Variants in DDX54 observed in about 807,000 individuals in gnomAD.
The protein encoded by DDX54 is ATP-dependent RNA helicase DDX54.
DDX54 carries 67 observed loss-of-function variants against 105.5 expected under a neutral mutation model. The ratio of observed to expected loss-of-function variants is 0.64; its 90% CI spans 0.52 to 0.78. The LOEUF (loss-of-function observed/expected upper bound fraction) is 0.78. Ranked by LOEUF, DDX54 falls within the 30% of genes least tolerant of loss-of-function variation. The probability of loss-of-function intolerance (pLI) is 0.00; values close to 1 mark genes in which losing one functional copy is unlikely to be tolerated. For synonymous variants in DDX54, 514 were observed against 509.9 expected, an observed-to-expected ratio of 1.01 and a Z score of -0.11; for missense variants, 1,206 against 1,230.5, an observed-to-expected ratio of 0.98 and a Z score of 0.30.
In DDX54 at chr12:113,161,171, C is replaced by A. The variant is rs1409073856; in HGVS notation, c.2413+99G>T. 3.3e-6 allele frequency: 3 copies of A among 903,952 alleles called. No individual in the cohort carries two copies. In the African/African-American group the frequency reaches 5.1e-5, roughly 15 times the overall value. 56.0% of individuals were successfully genotyped at this position (903,952 alleles called of 1,614,324 possible). The stretch of plus-strand genomic sequence containing the variant: ...TACCCCAACACACCCAGCTCTGGGG[C>A]TCTGCAGTAGCCCCTGCACCTGTGC... On this transcript the variant is annotated intron_variant, in intron 19 of 19. Coordinates refer to ENST00000306014, the MANE Select transcript of DDX54 (RefSeq NM_024072.4).
rs189161695 is a variant in DDX54 at position 113,179,281 on chromosome 12, C to T, written c.426G>A (p.Thr142=). Residue 142 remains threonine, a synonymous_variant, in exon 4 of 20, where the codon ACG becomes ACA. Coordinates refer to ENST00000306014, the MANE Select transcript of DDX54 (RefSeq NM_024072.4). The part of the protein sequence containing the change: ...DGKDVVAMAR[T]GSGKTACFLL... ...GGAAGCAGGCTGTCTTGCCACTGCCCGTCCGGGCCATGGCCACCACGTCCT... is the reference window on the plus strand; with the variant it reads ...GGAAGCAGGCTGTCTTGCCACTGCCTGTCCGGGCCATGGCCACCACGTCCT... 17 of 1,613,996 alleles carry T rather than the reference C, an allele frequency of 1.1e-5. No individual in the cohort carries two copies. In the African/African-American group the frequency reaches 1.1e-4, roughly 10 times the overall value.
In DDX54 at chr12:113,169,791, G is replaced by A. The variant is rs1952314853; in HGVS notation, c.1393C>T (p.Arg465Ter). Reference sequence around the variant, plus strand: ...TCACCTGAGGGCTCCTTGAGGGGTCGGGCGAGGGTGAGGGAGCGGCCCAGG... The same window carrying A: ...TCACCTGAGGGCTCCTTGAGGGGTCAGGCGAGGGTGAGGGAGCGGCCCAGG... ...LFLGRSLTLA[R>*]PLKEPSGVAG... is the part of the protein sequence containing the mutation. The change falls in exon 12 of 20, where the codon CGA becomes TGA. Residue 465 changes from arginine (R) to a stop codon, truncating the protein, a stop_gained. Coordinates refer to ENST00000306014, the MANE Select transcript of DDX54 (RefSeq NM_024072.4). LOFTEE classifies it high-confidence loss of function. 8.7e-6 allele frequency: 14 copies of A among 1,613,878 alleles called. No individual in the cohort carries two copies. Among genetic ancestry groups the A allele is most frequent in the Admixed American group, 3.3e-5 (2 of 59,982 alleles).
chr12:113,172,576 A>G lies in DDX54; in HGVS notation c.1069-13T>C. On this transcript the variant is annotated splice_polypyrimidine_tract_variant and intron_variant, in intron 10 of 19. Coordinates refer to ENST00000306014, the MANE Select transcript of DDX54 (RefSeq NM_024072.4). ...GGGTCGTCAGCAGCTGCTCAGAGCA[A>G]AGATGGTAGCAAAGTGAGAAGGAGA... 1 of 1,613,358 alleles carries G rather than the reference A, an allele frequency of 6.2e-7. No individual in the cohort carries two copies. The highest frequency in any genetic ancestry group is 1.1e-5 in the South Asian group (1 of 91,026).
intron 1 of DDX54, among the ~76,000 whole-genome samples, chr12:113,184,408 C>A (rs898366934): frequency 2.6e-5 from 4 of 152,194 alleles, no homozygotes; most frequent in African/African-American, 7.2e-5. Flanking sequence ...ACCCTCTAGG[C>A]CTCAGTTTCC....
intron 11 of DDX54, among the ~76,000 whole-genome samples, chr12:113,170,598 C>T (rs1260285867): frequency 6.6e-6 from 1 of 152,116 alleles, no homozygotes; most frequent in Non-Finnish European, 1.5e-5. Context: ...ATGATCATGC[C>T]ACAGCACTAG....
intron 10 of DDX54, 57 bp from the exon 11 acceptor site, chr12:113,172,620 G>C: frequency 6.3e-7 from 1 of 1,590,522 alleles, no homozygotes; most frequent in Non-Finnish European, 8.6e-7. Context: ...AGAAAGGAAA[G>C]GAAGCCAGAC....
At position 113,163,924 on chromosome 12, in the gene DDX54, T is replaced by A. The variant is rs749565311; in HGVS notation, c.1938+143A>T. 2.7e-4 allele frequency: 386 copies of A among 1,407,288 alleles called. No homozygotes were observed. Among genetic ancestry groups the A allele is most frequent in the Middle Eastern group, 2.6e-3 (10 of 3,842 alleles). 87.2% of individuals were successfully genotyped at this position (1,407,288 alleles called of 1,614,324 possible). A position where few individuals can be genotyped will look rare whatever the true frequency, so the allele number is the denominator to read the frequency against. The stretch of plus-strand genomic sequence containing the variant: ...AACGAGGGATGGTGGACAAGAACCA[T>A]GCCCCGACTCTGCAGATGGGAAGCT... On this transcript the variant is annotated intron_variant, in intron 15 of 19. Transcript: ENST00000306014. The surrounding 1 kb of genome is among the most constrained non-coding windows in gnomAD (Gnocchi z 5.9).
intron 1 of DDX54, 53 bp downstream of exon 1, chr12:113,185,225 T>G (rs1459927591): frequency 5.6e-6 from 8 of 1,436,422 alleles, no homozygotes; most frequent in Non-Finnish European, 7.3e-6. Context: ...CTCGAGGCGC[T>G]GCCCGGAGCC....
chr12:113,185,405 G>A lies in DDX54; in HGVS notation c.47C>T (p.Ala16Val). ...TTTCTTCTTCCTCCACTGGGCCATGGCAGCTCGCGACCGAGGTCCAGCCGC... is the reference window on the plus strand; with the variant it reads ...TTTCTTCTTCCTCCACTGGGCCATGACAGCTCGCGACCGAGGTCCAGCCGC... ...GPAAGPRSRA[A>V]MAQWRKKKGL... is the part of the protein sequence containing the mutation. Residue 16 changes from alanine (A) to valine (V), a missense_variant, in exon 1 of 20, where the codon GCC (alanine) becomes GTC (valine). By Grantham distance (64) the Ala-to-Val change is moderately conservative (BLOSUM62 0). This residue lies in a region of DDX54 where 212 missense variants were observed against 155.4 expected (regional missense o/e 1.36). Coordinates refer to ENST00000306014, the MANE Select transcript of DDX54 (RefSeq NM_024072.4). 1 of 1,543,486 alleles carries A rather than the reference G, an allele frequency of 6.5e-7. No individual in the cohort carries two copies. The highest frequency in any genetic ancestry group is 8.7e-7 in the Non-Finnish European group (1 of 1,147,572).
At chr12:113,177,244 G>T in intron 5 of DDX54, 151 bp from the exon 6 acceptor site, 2 of 787,936 alleles carry the variant, frequency 2.5e-6, no homozygotes, top group Non-Finnish European at 4.1e-6. Context: ...GAGGTATGAG[G>T]CAAAGGCATT....
chr12:113,162,993 C>G lies in DDX54; in HGVS notation c.2134G>C (p.Val712Leu), dbSNP rs1196237782. 1 of 1,609,320 alleles carries G rather than the reference C, an allele frequency of 6.2e-7. No individual in the cohort carries two copies. The highest frequency in any genetic ancestry group is 1.1e-5 in the South Asian group (1 of 91,014). Residue 712 changes from valine to leucine, a missense_variant, in exon 17 of 20, where the codon GTC becomes CTC. Transcript: ENST00000306014. ...GCTTCATCCCCCATCAAGTCCAGGA[C>G]AGCGCCAGCTGCCTGCTGCTCAAAG... ...GAFEQQAAGA[V>L]LDLMGDEAQN...
At position 113,159,116 on chromosome 12, in the gene DDX54, G is replaced by A. The variant is rs1007684621; in HGVS notation, c.2414-7C>T. ...GCGTGGGGCCGGGATGCACCTGCTG[G>A]GACAGGGATTCAGGGAGCTCAGCTG... On this transcript the variant is annotated splice_region_variant and splice_polypyrimidine_tract_variant and intron_variant, in intron 19 of 19. Transcript: ENST00000306014. The A allele has an allele frequency of 3.8e-6, 6 of 1,586,042 alleles. No individual in the cohort carries two copies. The highest frequency in any genetic ancestry group is 1.4e-5 in the African/African-American group (1 of 74,052).
chr12:113,174,708 C>A lies in DDX54; in HGVS notation c.1000G>T (p.Val334Leu), dbSNP rs569471197. Residue 334 changes from valine to leucine, a missense_variant, in exon 10 of 20, where the codon GTG becomes TTG. By Grantham distance (32) the Val-to-Leu change is conservative (BLOSUM62 1). This residue lies in a region of DDX54 where 961 missense variants were observed against 1,019.1 expected (regional missense o/e 0.94). Coordinates refer to ENST00000306014, the MANE Select transcript of DDX54 (RefSeq NM_024072.4). ...AAVLLHLLHN[V>L]VRPQDQTVVF... ...ACGGTCTGGTCCTGGGGCCGCACCA[C>A]GTTGTGCAGCAGGTGGAGCAGCACG... 3 of 1,609,436 alleles carry A rather than the reference C, an allele frequency of 1.9e-6. No individual in the cohort carries two copies. The Admixed American group carries it at 5.0e-5, about 27-fold the overall frequency.
chr12:113,162,994 A>G lies in DDX54; in HGVS notation c.2133T>C (p.Ala711=). 1 of 1,609,366 alleles carries G rather than the reference A, an allele frequency of 6.2e-7. No individual in the cohort carries two copies. The highest frequency in any genetic ancestry group is 8.5e-7 in the Non-Finnish European group (1 of 1,179,812). Residue 711 remains alanine, a synonymous_variant, in exon 17 of 20, where the codon GCT becomes GCC. Transcript: ENST00000306014. ...CTTCATCCCCCATCAAGTCCAGGAC[A>G]GCGCCAGCTGCCTGCTGCTCAAAGG... ...GGAFEQQAAG[A]VLDLMGDEAQ...
rs1952154098 is a variant in DDX54, at chr12:113,157,950, G to A, written c.*927C>T. 2.0e-6 allele frequency: 1 copy of A among 508,658 alleles called. No individual in the cohort carries two copies. The highest frequency in any genetic ancestry group is 3.5e-6 in the Non-Finnish European group (1 of 282,476). 31.5% of individuals were successfully genotyped at this position (508,658 alleles called of 1,614,324 possible). A position where few individuals can be genotyped will look rare whatever the true frequency, so the allele number is the denominator to read the frequency against. ...CTGCCTCTAAAATGAGATCAGACCAGGCCCTCCCTGCCAGGGTGGTTGGGG... is the reference window on the plus strand; with the variant it reads ...CTGCCTCTAAAATGAGATCAGACCAAGCCCTCCCTGCCAGGGTGGTTGGGG... On this transcript the variant is annotated 3_prime_UTR_variant, in exon 20 of 20. Coordinates refer to ENST00000306014, the MANE Select transcript of DDX54 (RefSeq NM_024072.4).
chr12:113,171,886 A>G (rs1013109553), intron 11 of DDX54, among the ~76,000 whole-genome samples: 1 of 152,160 alleles, frequency 6.6e-6, no homozygotes, highest in African/African-American at 2.4e-5. Flanking sequence ...CGTCAAAAAC[A>G]CACGCACGGC....
chr12:113,168,701 C>T (rs554950211), intron 12 of DDX54, among the ~76,000 whole-genome samples: 7 of 152,000 alleles, frequency 4.6e-5, no homozygotes, highest in African/African-American at 2.4e-5. Context: ...GAGGCCGAGG[C>T]GGGCAGATCA....
Position 113,174,753 on chromosome 12 carries a change from G to A in DDX54, c.955C>T (p.Arg319Trp), listed in dbSNP as rs199610294. The change falls in exon 10 of 20, where the codon CGG becomes TGG. Residue 319 changes from arginine to tryptophan, a missense_variant. This residue lies in a region of DDX54 where 961 missense variants were observed against 1,019.1 expected (regional missense o/e 0.94). Coordinates refer to ENST00000306014, the MANE Select transcript of DDX54 (RefSeq NM_024072.4). ...AGCACGGCAGCCTTGGTGTCCTCCCGCACGAGGAAGAAGGAGGTCTGTGGG... is the reference window on the plus strand; with the variant it reads ...AGCACGGCAGCCTTGGTGTCCTCCCACACGAGGAAGAAGGAGGTCTGTGGG... ...EQLKTSFFLV[R>W]EDTKAAVLLH... is the part of the protein sequence containing the mutation. The A allele has an allele frequency of 2.8e-5, 45 of 1,611,588 alleles. 1 individual carries two copies. The highest frequency in any genetic ancestry group is 3.3e-4 in the Middle Eastern group (2 of 6,054).
At chr12:113,180,642 C>G (rs1003919808) in intron 2 of DDX54, among the ~76,000 whole-genome samples, 1 of 151,368 alleles carries the variant, frequency 6.6e-6, no homozygotes, top group Non-Finnish European at 1.5e-5. Flanking sequence ...CCCATTCCAT[C>G]CTTTCCCTCC....
Sources: allele counts gnomAD v4.1 joint callset (sites outside exome capture counted in the v4.1 genomes callset), GRCh38; gene constraint gnomAD v4.1.1; regional missense constraint gnomAD v4.1.1; non-coding constraint Gnocchi (gnomAD v3.1); transcripts MANE v1.5; gene names NCBI Gene and HGNC (gene_info 2026-07-23, HGNC 2026-07-21).